The following AGBL4 variants were observed in gnomAD, a reference collection of about 807,000 sequenced individuals.
The protein encoded by AGBL4 is cytosolic carboxypeptidase 6.
Under a neutral mutation model 66.4 loss-of-function variants are expected in AGBL4, and 58 were observed. The ratio of observed to expected loss-of-function variants is 0.87; its 90% CI spans 0.71 to 1.09. The LOEUF is 1.09. Among genes scored for constraint, AGBL4 ranks in the 50% least tolerant of loss-of-function variants. AGBL4 has a pLI of 0.00. For missense variants in AGBL4, 579 were observed against 631.0 expected, an observed-to-expected ratio of 0.92 and a Z score of 0.88; for synonymous variants, 234 against 222.9, an observed-to-expected ratio of 1.05 and a Z score of -0.44.
chr1:49,562,090 G>A (rs1220127677), intron 3 of AGBL4, among the ~76,000 whole-genome samples: 1 of 152,120 alleles, frequency 6.6e-6, no homozygotes, highest in Admixed American at 6.6e-5. Flanking sequence ...GTGTTTTTTG[G>A]CTGCATAAAT....
chr1:48,994,605 A>G (rs1279464094), intron 5 of AGBL4, among the ~76,000 whole-genome samples: 2 of 152,176 alleles, frequency 1.3e-5, no homozygotes, highest in Non-Finnish European at 2.9e-5. Context: ...TGCCCCAAGA[A>G]ACTGCATGTA....
intron 4 of AGBL4, among the ~76,000 whole-genome samples, chr1:49,110,143 G>T (rs1206748174): frequency 6.6e-6 from 1 of 152,116 alleles, no homozygotes; most frequent in Admixed American, 6.5e-5. Context: ...TCCCCTTCCT[G>T]TTTTCTCCTC....
At chr1:49,298,811 CTT>C (rs2148439781) in intron 3 of AGBL4, among the ~76,000 whole-genome samples, 1 of 152,304 alleles carries the variant, frequency 6.6e-6, no homozygotes, top group East Asian at 1.9e-4. Context: ...GCAAGAGAAA[CTT>C]TCTTTGAATC....
chr1:48,549,638 G>T (rs1644220103), intron 11 of AGBL4, among the ~76,000 whole-genome samples: 1 of 152,080 alleles, frequency 6.6e-6, no homozygotes, highest in Non-Finnish European at 1.5e-5. Context: ...TCAGGATGAG[G>T]CAAGAAGATA....
chr1:49,056,992 A>G (rs563956460), intron 4 of AGBL4, among the ~76,000 whole-genome samples: 98 of 152,194 alleles, frequency 6.4e-4, no homozygotes, highest in Non-Finnish European at 7.2e-4. Flanking sequence ...CAATCTATCT[A>G]CTTGTCTACT....
At chr1:48,577,236 A>G (rs1050893317) in intron 11 of AGBL4, among the ~76,000 whole-genome samples, 1 of 152,238 alleles carries the variant, frequency 6.6e-6, no homozygotes, top group African/African-American at 2.4e-5. Context: ...CACAAGTATT[A>G]TATGCATAAG....
chr1:49,574,826 G>A (rs1200752670), intron 3 of AGBL4, among the ~76,000 whole-genome samples: 1 of 151,634 alleles, frequency 6.6e-6, no homozygotes, highest in African/African-American at 2.4e-5. Flanking sequence ...TAATCATGAT[G>A]TTCCTAGAAA....
intron 3 of AGBL4, among the ~76,000 whole-genome samples, chr1:49,532,605 G>A (rs549769568): frequency 6.6e-6 from 1 of 151,968 alleles, no homozygotes; most frequent in African/African-American, 2.4e-5. Context: ...ATGTTACTGG[G>A]CCATTGACCA....
intron 6 of AGBL4, among the ~76,000 whole-genome samples, chr1:48,681,315 C>T (rs1271688813): frequency 6.6e-6 from 1 of 152,196 alleles, no homozygotes. Context: ...ATGTGCAGTG[C>T]ATGTGAATCC....
chr1:49,419,744 G>A (rs1199369167), intron 3 of AGBL4, among the ~76,000 whole-genome samples: 1 of 152,086 alleles, frequency 6.6e-6, no homozygotes, highest in Non-Finnish European at 1.5e-5. Context: ...AATTCCCTGT[G>A]AACTAAAATG....
intron 4 of AGBL4, among the ~76,000 whole-genome samples, chr1:49,140,948 C>A (rs1486617756): frequency 6.6e-6 from 1 of 152,114 alleles, no homozygotes; most frequent in Non-Finnish European, 1.5e-5. Context: ...TGTACTCCTT[C>A]TTGGGGCTTT....
intron 3 of AGBL4, among the ~76,000 whole-genome samples, chr1:49,326,870 T>C (rs1361496270): frequency 6.6e-6 from 1 of 152,180 alleles, no homozygotes; most frequent in Non-Finnish European, 1.5e-5. Context: ...TATTAAACAG[T>C]TTTGAAGGTA....
chr1:49,562,936 C>T (rs1010640210), intron 3 of AGBL4, among the ~76,000 whole-genome samples: 6 of 152,240 alleles, frequency 3.9e-5, no homozygotes, highest in Non-Finnish European at 8.8e-5. Flanking sequence ...TCTTCCTACT[C>T]ATGAGCATGG....
intron 3 of AGBL4, among the ~76,000 whole-genome samples, chr1:49,361,172 C>T (rs1214750578): frequency 1.3e-5 from 2 of 152,188 alleles, no homozygotes. Context: ...CTAAAATAAG[C>T]ATGAATATTT....
intron 6 of AGBL4, chr1:48,742,675 T>C (rs747568526): frequency 1.4e-5 from 22 of 1,610,174 alleles, no homozygotes; most frequent in Middle Eastern, 1.7e-4. Flanking sequence ...AGCGGGGTAA[T>C]AGGACGACGT....
intron 1 of AGBL4, among the ~76,000 whole-genome samples, chr1:49,920,784 A>T (rs1315720043): frequency 6.6e-6 from 1 of 152,202 alleles, no homozygotes; most frequent in Admixed American, 6.5e-5. Context: ...ATAAAGACAC[A>T]TGCACACGTA....
intron 4 of AGBL4, among the ~76,000 whole-genome samples, chr1:49,194,306 T>A (rs1218284795): frequency 6.6e-6 from 1 of 152,106 alleles, no homozygotes; most frequent in Non-Finnish European, 1.5e-5. Context: ...TGATTTACAG[T>A]CAGTTTTATT....
chr1:48,526,784 GCAA>G, the AGBL4 span, among the ~76,000 whole-genome samples: 2 of 151,718 alleles, frequency 1.3e-5, no homozygotes, highest in African/African-American at 4.9e-5. Context: ...AACCACACCA[GCAA>G]CAATTGTTAT....
intron 6 of AGBL4, among the ~76,000 whole-genome samples, chr1:48,863,195 G>A (rs1934392): frequency 0.89 from 135,317 of 152,136 alleles, 60,764 homozygotes; most frequent in Non-Finnish European, 0.96. Context: ...GAAAGTCGCA[G>A]TAACTGTAGA....
Sources: allele counts gnomAD v4.1 joint callset (sites outside exome capture counted in the v4.1 genomes callset), GRCh38; gene constraint gnomAD v4.1.1; transcripts MANE v1.5; gene names NCBI Gene and HGNC (gene_info 2026-07-23, HGNC 2026-07-21).